KCNH1: variants seen among roughly 807,000 people sequenced by gnomAD.
The protein encoded by KCNH1 is voltage-gated delayed rectifier potassium channel KCNH1.
Under a neutral mutation model 69.2 loss-of-function variants are expected in KCNH1, and 27 were observed. The ratio of observed to expected loss-of-function variants is 0.39; its 90% CI spans 0.29 to 0.54. The LOEUF (loss-of-function observed/expected upper bound fraction) is 0.54, where lower values mean the gene tolerates loss of function less well. Among genes scored for constraint, KCNH1 ranks in the 20% least tolerant of loss-of-function variants. The probability of loss-of-function intolerance (pLI) is 0.68; values close to 1 mark genes in which losing one functional copy is unlikely to be tolerated. For synonymous variants in KCNH1, 456 were observed against 487.7 expected, an observed-to-expected ratio of 0.93 and a Z score of 0.86; for missense variants, 798 against 1,261.6, an observed-to-expected ratio of 0.63 and a Z score of 5.57.
chr1:210,788,158 T>C (rs1684137922), intron 9 of KCNH1, among the ~76,000 whole-genome samples: 1 of 152,206 alleles, frequency 6.6e-6, no homozygotes, highest in Non-Finnish European at 1.5e-5. Flanking sequence ...TAAAAGAATA[T>C]AAGTGCGTTA....
chr1:211,039,814 T>C (rs946611073), intron 5 of KCNH1, among the ~76,000 whole-genome samples: 4 of 152,206 alleles, frequency 2.6e-5, no homozygotes, highest in Admixed American at 6.5e-5. Context: ...CTTTTGATTT[T>C]ACAGGCTCAT....
chr1:210,866,452 G>T (rs1365375537), intron 7 of KCNH1, among the ~76,000 whole-genome samples: 1 of 152,028 alleles, frequency 6.6e-6, no homozygotes, highest in Non-Finnish European at 1.5e-5. Flanking sequence ...AATAGGCAAA[G>T]AATCTAAATA....
In KCNH1 at chr1:211,059,966, A is replaced by C. The variant is rs1690400865; in HGVS notation, c.558+22814T>G. ...CTCAGAACATGAATAATTCTTAAGG[A>C]AAGACCATAAATTAGACCACAAATC... is the stretch of plus-strand genomic sequence containing the variant. On this transcript the variant is annotated intron_variant, in intron 5 of 10. Coordinates refer to ENST00000271751, the MANE Select transcript of KCNH1 (RefSeq NM_172362.3). Among the ~76,000 whole-genome samples the C allele has an allele frequency of 2.6e-5, 4 of 152,340 alleles. No individual in the cohort carries two copies. The South Asian group carries it at 8.3e-4, about 32-fold the overall frequency.
At chr1:211,128,859 A>G (rs1691829552) in intron 1 of KCNH1, among the ~76,000 whole-genome samples, 1 of 152,242 alleles carries the variant, frequency 6.6e-6, no homozygotes, top group Non-Finnish European at 1.5e-5. Context: ...GTAAGACCAA[A>G]TGACAGCAAC....
intron 5 of KCNH1, among the ~76,000 whole-genome samples, chr1:211,023,469 G>A (rs1245786252): frequency 6.6e-6 from 1 of 151,344 alleles, no homozygotes; most frequent in African/African-American, 2.4e-5. Context: ...ATATTATTTG[G>A]CCATAAAAAA....
chr1:210,821,179 A>G (rs1284251711), intron 7 of KCNH1, among the ~76,000 whole-genome samples: 1 of 152,198 alleles, frequency 6.6e-6, no homozygotes, highest in Non-Finnish European at 1.5e-5. Context: ...TTTGATTACA[A>G]TCATCTTGGT....
At chr1:210,816,103 A>G (rs1684809182) in intron 7 of KCNH1, among the ~76,000 whole-genome samples, 1 of 152,100 alleles carries the variant, frequency 6.6e-6, no homozygotes, top group South Asian at 2.1e-4. Context: ...CTATCCCCTC[A>G]TTTCTCTTCA....
chr1:210,839,574 C>T (rs1348703211), intron 7 of KCNH1, among the ~76,000 whole-genome samples: 1 of 152,086 alleles, frequency 6.6e-6, no homozygotes, highest in Non-Finnish European at 1.5e-5. Flanking sequence ...ACACGTGTAC[C>T]CCTGAACTTA....
At chr1:210,897,787 G>A (rs548077778) in intron 7 of KCNH1, among the ~76,000 whole-genome samples, 3 of 152,278 alleles carry the variant, frequency 2.0e-5, no homozygotes, top group African/African-American at 7.2e-5. Context: ...CTTTTGCATT[G>A]TCTCCTGCCA....
intron 1 of KCNH1, among the ~76,000 whole-genome samples, chr1:211,118,062 G>A (rs1691614554): frequency 1.3e-5 from 2 of 152,162 alleles, no homozygotes; most frequent in East Asian, 1.9e-4. Flanking sequence ...GGAATTGTTT[G>A]GATTTGGGAT....
intron 9 of KCNH1, among the ~76,000 whole-genome samples, chr1:210,795,833 T>C (rs922749829): frequency 1.3e-5 from 2 of 152,000 alleles, no homozygotes; most frequent in African/African-American, 4.8e-5. Context: ...ACGTTAATTA[T>C]CATCAGAGGC....
intron 6 of KCNH1, among the ~76,000 whole-genome samples, chr1:210,966,559 G>T (rs1023918729): frequency 6.6e-6 from 1 of 152,102 alleles, no homozygotes; most frequent in African/African-American, 2.4e-5. Flanking sequence ...GTGGGCAAAG[G>T]ATATGAACAG....
chr1:210,834,045 G>T (rs1685226575), intron 7 of KCNH1, among the ~76,000 whole-genome samples: 1 of 152,192 alleles, frequency 6.6e-6, no homozygotes, highest in Non-Finnish European at 1.5e-5. Flanking sequence ...ACAGCTGCTG[G>T]ACAGGATGTG....
intron 7 of KCNH1, among the ~76,000 whole-genome samples, chr1:210,872,104 GA>G (rs1176989240): frequency 3.5e-5 from 4 of 114,488 alleles, no homozygotes; most frequent in Non-Finnish European, 7.2e-5. Context: ...CTCGGCTATG[GA>G]AAAGAAAAAC....
At chr1:210,932,984 C>A (rs1687703243) in intron 6 of KCNH1, among the ~76,000 whole-genome samples, 1 of 152,140 alleles carries the variant, frequency 6.6e-6, no homozygotes, top group Non-Finnish European at 1.5e-5. Context: ...AACAAAGAAA[C>A]ATCAGATTTA....
intron 6 of KCNH1, among the ~76,000 whole-genome samples, chr1:211,009,352 G>A (rs1689351269): frequency 6.6e-6 from 1 of 152,162 alleles, no homozygotes; most frequent in Non-Finnish European, 1.5e-5. Context: ...CAAGTACAGA[G>A]AACTCTTTCT....
At chr1:211,011,384 GA>G (rs1477983326) in intron 6 of KCNH1, among the ~76,000 whole-genome samples, 15 of 152,174 alleles carry the variant, frequency 9.9e-5, no homozygotes, top group Admixed American at 6.5e-5. Flanking sequence ...TCATTGATGG[GA>G]ATTTGGGTTG....
chr1:210,766,813 G>A (rs1338815789), intron 10 of KCNH1, among the ~76,000 whole-genome samples: 3 of 152,246 alleles, frequency 2.0e-5, no homozygotes, highest in Non-Finnish European at 4.4e-5. Flanking sequence ...GGTCTGCACG[G>A]ACATTTGGTC....
chr1:210,721,829 A>G (rs1008787554), intron 10 of KCNH1, among the ~76,000 whole-genome samples: 1 of 149,638 alleles, frequency 6.7e-6, no homozygotes, highest in African/African-American at 2.5e-5. Context: ...ATAAATAAAT[A>G]AATGAAAAAG....
Sources: gnomAD v4.1 joint callset for allele counts (sites outside exome capture counted in the v4.1 genomes callset) on GRCh38, gnomAD v4.1.1 for gene constraint, MANE v1.5 for transcripts, NCBI Gene and HGNC (gene_info 2026-07-23, HGNC 2026-07-21) for gene names.